PDE6A: variants seen among roughly 807,000 people sequenced by gnomAD.
PDE6A encodes the protein rod cGMP-specific 3',5'-cyclic phosphodiesterase subunit alpha.
PDE6A carries 84 observed loss-of-function variants against 106.3 expected under a neutral mutation model. The observed-to-expected ratio is 0.79, with a 90% CI of 0.66 to 0.95. The LOEUF (loss-of-function observed/expected upper bound fraction) is 0.95, where lower values mean the gene tolerates loss of function less well. Among genes scored for constraint, PDE6A ranks in the 40% least tolerant of loss-of-function variants. The pLI is 0.00. For synonymous variants in PDE6A, 394 were observed against 386.6 expected, an observed-to-expected ratio of 1.02 and a Z score of -0.23; for missense variants, 1,052 against 1,084.9, an observed-to-expected ratio of 0.97 and a Z score of 0.43.
intron 20 of PDE6A, among the ~76,000 whole-genome samples, chr5:149,864,309 G>T (rs539967598): frequency 6.6e-6 from 1 of 151,972 alleles, no homozygotes; most frequent in Admixed American, 6.6e-5. Context: ...TGCAATCTCG[G>T]CTCACTGCAA....
chr5:149,900,829 A>T lies in PDE6A; in HGVS notation c.1114-1305T>A, dbSNP rs893559533. On this transcript the variant is annotated intron_variant, in intron 8 of 21. Coordinates refer to ENST00000255266, the MANE Select transcript of PDE6A (RefSeq NM_000440.3). ...TCTTCATGGAATCCCTTCCCTCTGAAGGCCATGATAAAAAGACAGATTTTA... is the reference window on the plus strand; with the variant it reads ...TCTTCATGGAATCCCTTCCCTCTGATGGCCATGATAAAAAGACAGATTTTA... Among the ~76,000 whole-genome samples, 27 of 152,074 alleles carry T rather than the reference A, an allele frequency of 1.8e-4. 1 individual carries two copies. Among genetic ancestry groups the T allele is most frequent in the Admixed American group, 4.6e-4 (7 of 15,258 alleles).
At chr5:149,896,119 C>T (rs1581177663) in intron 12 of PDE6A, among the ~76,000 whole-genome samples, 2 of 152,170 alleles carry the variant, frequency 1.3e-5, no homozygotes, top group East Asian at 3.9e-4. Context: ...GGGCTTAGTA[C>T]CTCAGAACCC....
Position 149,863,199 on chromosome 5 carries a change from C to T in PDE6A, c.2426G>A (p.Trp809Ter), listed in dbSNP as rs979416907. The T allele has an allele frequency of 3.7e-6, 6 of 1,614,046 alleles. No individual in the cohort carries two copies. The highest frequency in any genetic ancestry group is 5.1e-6 in the Non-Finnish European group (6 of 1,180,010). The stretch of plus-strand genomic sequence containing the variant: ...ATCGTACTCATCAGCAAGCGCCTTC[C>T]ACTCCTTGCGATTGTTGGTGATCCC... ...LDGITNNRKE[W>*]KALADEYDAK... The change falls in exon 21 of 22, where the codon TGG becomes TAG. Residue 809 changes from tryptophan to a stop codon, truncating the protein, a stop_gained. Transcript: ENST00000255266. LOFTEE classifies it high-confidence loss of function. This position sits in a 1 kb window ranked among gnomAD's most constrained non-coding sequence, Gnocchi z 4.7.
chr5:149,894,554 TA>T (rs1752661398), intron 13 of PDE6A, among the ~76,000 whole-genome samples: 1 of 151,854 alleles, frequency 6.6e-6, no homozygotes, highest in Non-Finnish European at 1.5e-5. Context: ...ACAGGCCATT[TA>T]AAAATGAAAT....
chr5:149,867,842 G>T, intron 18 of PDE6A, 43 bp from the exon 19 acceptor site: 1 of 1,575,010 alleles, frequency 6.3e-7, no homozygotes, highest in Non-Finnish European at 8.7e-7. Context: ...CAGAGCCCCA[G>T]CCCAATCCCC....
At chr5:149,877,233 C>T (rs1760774021) in intron 17 of PDE6A, among the ~76,000 whole-genome samples, 2 of 152,042 alleles carry the variant, frequency 1.3e-5, no homozygotes, top group South Asian at 4.1e-4. Context: ...GGGTGGGGTT[C>T]AGGGGGAGTG....
At chr5:149,877,471 G>T (rs1180546169) in intron 17 of PDE6A, among the ~76,000 whole-genome samples, 1 of 152,146 alleles carries the variant, frequency 6.6e-6, no homozygotes, top group African/African-American at 2.4e-5. Context: ...GTGCAGCGGT[G>T]CAATCTTAGC....
rs138196663 is a variant in PDE6A, at chr5:149,872,105, T to C, written c.2136-3947A>G. On this transcript the variant is annotated intron_variant, in intron 17 of 21. Coordinates refer to ENST00000255266, the MANE Select transcript of PDE6A (RefSeq NM_000440.3). ...GTCAAGAGGAGGGGATGGAGTTCAA[T>C]AGGACAACAGTGCAAAATTCCATGC... Among the ~76,000 whole-genome samples the C allele has an allele frequency of 9.2e-5, 14 of 152,268 alleles. No homozygotes were observed. In the East Asian group the frequency reaches 2.5e-3, roughly 27 times the overall value.
Position 149,896,337 on chromosome 5 carries a change from A to C in PDE6A, c.1620+19T>G. 3 of 1,592,480 alleles carry C rather than the reference A, an allele frequency of 1.9e-6. No homozygotes were observed. Among genetic ancestry groups the C allele is most frequent in the Non-Finnish European group, 2.6e-6 (3 of 1,160,912 alleles). On this transcript the variant is annotated intron_variant, in intron 12 of 21. Coordinates refer to ENST00000255266, the MANE Select transcript of PDE6A (RefSeq NM_000440.3). The stretch of plus-strand genomic sequence containing the variant: ...AGAAAATTAAAAAGGGAAATCATAT[A>C]TATTTGTTTTGACCTCACCTCTTGT...
intron 13 of PDE6A, among the ~76,000 whole-genome samples, chr5:149,887,855 A>G (rs1269867928): frequency 6.6e-6 from 1 of 151,970 alleles, no homozygotes; most frequent in Non-Finnish European, 1.5e-5. Flanking sequence ...GCCCATACCT[A>G]TAAGTACCAC....
chr5:149,944,366 T>C lies in PDE6A; in HGVS notation c.308A>G (p.Asn103Ser). ...CCTGGTGGCCAGCTCTGCGATGCCATTGCGGGTCCGGTACATGAACAGGCT... is the reference window on the plus strand; with the variant it reads ...CCTGGTGGCCAGCTCTGCGATGCCACTGCGGGTCCGGTACATGAACAGGCT... The part of the protein sequence containing the change: ...RMSLFMYRTR[N>S]GIAELATRLF... Residue 103 changes from asparagine to serine, a missense_variant, in exon 1 of 22, where the codon AAT becomes AGT. Asn to Ser is a conservative substitution (Grantham distance 46). Around this residue, in one of 3 missense-constraint regions of PDE6A, gnomAD observed 913 missense variants for 915.2 expected, o/e 1.00. Transcript: ENST00000255266. 6.2e-7 allele frequency: 1 copy of C among 1,614,152 alleles called. No homozygotes were observed.
intron 1 of PDE6A, among the ~76,000 whole-genome samples, chr5:149,943,383 A>G (rs1187143778): frequency 2.6e-5 from 4 of 152,224 alleles, no homozygotes; most frequent in Non-Finnish European, 5.9e-5. Context: ...TTTTCTTAGT[A>G]CAGAACAAAA....
chr5:149,920,450 A>G (rs868550403), intron 5 of PDE6A, among the ~76,000 whole-genome samples: 1 of 152,138 alleles, frequency 6.6e-6, no homozygotes, highest in Non-Finnish European at 1.5e-5. Context: ...GTATGGTGGC[A>G]GGTGCCTGTA....
chr5:149,866,976 C>T (rs1760353857), intron 19 of PDE6A: 1 of 154,826 alleles, frequency 6.5e-6, no homozygotes, highest in South Asian at 2.0e-4. Context: ...CGACAAAGCC[C>T]ATGGGGCCCT....
At position 149,898,231 on chromosome 5, in the gene PDE6A, G is replaced by A. The variant is rs534944666; in HGVS notation, c.1407+132C>T. On this transcript the variant is annotated intron_variant, in intron 10 of 21. Transcript: ENST00000255266. ...GCTGCTGCATCCCTGTGCTAGGCAG[G>A]AAGGAACACAACAGTGCACAAACCC... The A allele has an allele frequency of 4.0e-5, 30 of 753,050 alleles. No individual in the cohort carries two copies. In the East Asian group the frequency reaches 7.5e-4, roughly 19 times the overall value. 46.6% of individuals were successfully genotyped at this position (753,050 alleles called of 1,614,324 possible).
Position 149,916,165 on chromosome 5 carries a change from A to G in PDE6A, c.934-1158T>C, listed in dbSNP as rs1479169863. ...ATTTCTCTTTTTTATAAAACCGTCT[A>G]CCTTCTCTTTTTTCTTTGGACATAC... On this transcript the variant is annotated intron_variant, in intron 5 of 21. Coordinates refer to ENST00000255266, the MANE Select transcript of PDE6A (RefSeq NM_000440.3). Among the ~76,000 whole-genome samples, 3 of 152,076 alleles carry G rather than the reference A, an allele frequency of 2.0e-5. No homozygotes were observed. In the East Asian group the frequency reaches 5.8e-4, roughly 29 times the overall value.
In PDE6A at chr5:149,916,074, G is replaced by A. The variant is rs535619489; in HGVS notation, c.934-1067C>T. Among the ~76,000 whole-genome samples the A allele has an allele frequency of 2.8e-4, 42 of 152,298 alleles. No homozygotes were observed. In the South Asian group the frequency reaches 8.5e-3, roughly 31 times the overall value. ...TGTAGCCTCGAATTCCTGGGCTCAC[G>A]TGATCCTCCTGCCTTGGCTTCCCAA... is the stretch of plus-strand genomic sequence containing the variant. On this transcript the variant is annotated intron_variant, in intron 5 of 21. Transcript: ENST00000255266.
chr5:149,942,356 G>T (rs1276040402), intron 1 of PDE6A, among the ~76,000 whole-genome samples: 4 of 152,130 alleles, frequency 2.6e-5, no homozygotes, highest in African/African-American at 9.7e-5. Context: ...CTACTAACCA[G>T]CATGAGAGTT....
At chr5:149,920,300 G>A (rs1349795766) in intron 5 of PDE6A, among the ~76,000 whole-genome samples, 1 of 152,156 alleles carries the variant, frequency 6.6e-6, no homozygotes, top group Non-Finnish European at 1.5e-5. Flanking sequence ...AGTGGTGGGG[G>A]CCGGGCGCAG....
Sources: allele counts gnomAD v4.1 joint callset (sites outside exome capture counted in the v4.1 genomes callset), GRCh38; gene constraint gnomAD v4.1.1; regional missense constraint gnomAD v4.1.1; non-coding constraint Gnocchi (gnomAD v3.1); transcripts MANE v1.5; gene names NCBI Gene and HGNC (gene_info 2026-07-23, HGNC 2026-07-21).